The following FAM20B variants were observed in gnomAD, a reference collection of about 807,000 sequenced individuals.
FAM20B encodes FAM20B glycosaminoglycan xylosylkinase.
Under a neutral mutation model 43.8 loss-of-function variants are expected in FAM20B, and 23 were observed. The ratio of observed to expected loss-of-function variants is 0.53; its 90% CI spans 0.38 to 0.74. The LOEUF (loss-of-function observed/expected upper bound fraction) is 0.74. FAM20B is among the 30% of genes least tolerant of loss of function. The pLI, the probability that FAM20B is intolerant of heterozygous loss-of-function variation, is 0.00. For synonymous variants in FAM20B, 178 were observed against 192.4 expected (o/e 0.93, Z 0.62); for missense variants, 440 against 510.5 (o/e 0.86, Z 1.33).
chr1:179,036,805 G>A (rs1282731064), intron 1 of FAM20B, among the ~76,000 whole-genome samples: 1 of 152,098 alleles, frequency 6.6e-6, no homozygotes, highest in East Asian at 1.9e-4. Flanking sequence ...AGTACTGGCC[G>A]AAAGGAGGGA....
In FAM20B at chr1:179,073,244, T is replaced by C. The variant is rs968085296; in HGVS notation, c.*1100T>C. The C allele has an allele frequency of 2.0e-5, 3 of 152,194 alleles. No homozygotes were observed. The highest frequency in any genetic ancestry group is 7.2e-5 in the African/African-American group (3 of 41,436). The allele number at this position is 152,194 out of a possible 1,614,324, so 9.4% of individuals were successfully genotyped here. On this transcript the variant is annotated 3_prime_UTR_variant, in exon 8 of 8. Coordinates refer to ENST00000263733, the MANE Select transcript of FAM20B (RefSeq NM_014864.4). ...TGTATACCTTACTCTCTCAGATAAG[T>C]GGCTGGACTTATCTTGTGATTTGGG...
chr1:179,024,037 C>A (rs1649654226), upstream of FAM20B, among the ~76,000 whole-genome samples: 5 of 152,154 alleles, frequency 3.3e-5, no homozygotes, highest in Admixed American at 3.3e-4. Flanking sequence ...GGTAATGCAA[C>A]ATGGAGAAGG....
At chr1:179,052,768 TCTC>T (rs1651058478) in intron 3 of FAM20B, among the ~76,000 whole-genome samples, 4 of 152,294 alleles carry the variant, frequency 2.6e-5, no homozygotes, top group East Asian at 3.9e-4. Context: ...GATAAATCCT[TCTC>T]CTCACTTAAT....
chr1:179,063,269 T>C (rs1651552662), intron 4 of FAM20B, among the ~76,000 whole-genome samples: 1 of 148,968 alleles, frequency 6.7e-6, no homozygotes, highest in African/African-American at 2.5e-5. Context: ...AGAGCAAGAC[T>C]CAGTCTCAAA....
upstream of FAM20B, among the ~76,000 whole-genome samples, chr1:179,021,111 G>T (rs1281702445): frequency 6.6e-6 from 1 of 152,132 alleles, no homozygotes. Flanking sequence ...ACTGATAATT[G>T]TCCTCTAGCA....
chr1:179,022,009 A>G (rs1252549958), upstream of FAM20B, among the ~76,000 whole-genome samples: 1 of 152,204 alleles, frequency 6.6e-6, no homozygotes, highest in Non-Finnish European at 1.5e-5. Context: ...GTAGCTTATG[A>G]TGCTGTCCCT....
chr1:179,042,240 A>G (rs1479781998), intron 1 of FAM20B, among the ~76,000 whole-genome samples: 1 of 152,236 alleles, frequency 6.6e-6, no homozygotes, highest in Non-Finnish European at 1.5e-5. Context: ...CAGAGCAGCA[A>G]GGGGTGTGTG....
rs1650949757 is a variant in FAM20B, at chr1:179,050,262, T to TC, written c.378-14dup. On this transcript the variant is annotated splice_polypyrimidine_tract_variant and intron_variant, in intron 2 of 7. Coordinates refer to ENST00000263733, the MANE Select transcript of FAM20B (RefSeq NM_014864.4). ...TGTAATCCACGTATACATCTGTGCT[T>TC]CCCATTCACTTTGCAGGTATAGCCG... 6.3e-7 allele frequency: 1 copy of TC among 1,588,440 alleles called. No homozygotes were observed. Among genetic ancestry groups the TC allele is most frequent in the Non-Finnish European group, 8.6e-7 (1 of 1,156,916 alleles).
At chr1:179,063,122 C>T (rs1651544049) in intron 4 of FAM20B, among the ~76,000 whole-genome samples, 1 of 152,042 alleles carries the variant, frequency 6.6e-6, no homozygotes, top group Admixed American at 6.6e-5. Flanking sequence ...ACTACAAATA[C>T]AAAAATTAGC....
At chr1:179,053,872 G>T (rs1207166514) in intron 3 of FAM20B, among the ~76,000 whole-genome samples, 1 of 152,164 alleles carries the variant, frequency 6.6e-6, no homozygotes, top group African/African-American at 2.4e-5. Context: ...GTCAGCACCT[G>T]TAATTATTTC....
At chr1:179,060,367 TC>T (rs1651413425) in intron 4 of FAM20B, among the ~76,000 whole-genome samples, 2 of 152,038 alleles carry the variant, frequency 1.3e-5, no homozygotes, top group African/African-American at 4.8e-5. Flanking sequence ...ATGTCAGGGG[TC>T]CCCAACCCCT....
chr1:179,033,382 A>G (rs546824016), intron 1 of FAM20B, among the ~76,000 whole-genome samples: 6 of 152,378 alleles, frequency 3.9e-5, no homozygotes, highest in African/African-American at 1.2e-4. Context: ...ACAGAAAAAT[A>G]TAAATGACAT....
At chr1:179,061,169 C>T (rs1242259035) in intron 4 of FAM20B, among the ~76,000 whole-genome samples, 1 of 147,998 alleles carries the variant, frequency 6.8e-6, no homozygotes, top group Admixed American at 6.9e-5. Flanking sequence ...ACCTTTGCCT[C>T]TCAGATTCCA....
rs530317328 is a variant in FAM20B, at chr1:179,028,576, C to T, written c.-134+2478C>T. ...CAGACTGCTGACAGTGAGACTCCGTCTCAAAAAACAAACAAACAAACAACA... is the reference window on the plus strand; with the variant it reads ...CAGACTGCTGACAGTGAGACTCCGTTTCAAAAAACAAACAAACAAACAACA... On this transcript the variant is annotated intron_variant, in intron 1 of 7. Coordinates refer to ENST00000263733, the MANE Select transcript of FAM20B (RefSeq NM_014864.4). Among the ~76,000 whole-genome samples the T allele has an allele frequency of 3.3e-5, 5 of 152,026 alleles. No homozygotes were observed. The South Asian group carries it at 8.3e-4, about 25-fold the overall frequency.
At chr1:179,032,810 G>A (rs2102483618) in intron 1 of FAM20B, among the ~76,000 whole-genome samples, 1 of 152,272 alleles carries the variant, frequency 6.6e-6, no homozygotes, top group Admixed American at 6.5e-5. Context: ...CAGCAAAGCA[G>A]GAGTGGGCTG....
chr1:179,018,509 G>T, the FAM20B span, among the ~76,000 whole-genome samples: 1 of 152,060 alleles, frequency 6.6e-6, no homozygotes, highest in African/African-American at 2.4e-5. Flanking sequence ...GTTTCACTAT[G>T]TTGGCCAGGT....
intron 2 of FAM20B, among the ~76,000 whole-genome samples, chr1:179,047,089 TC>T (rs974898960): frequency 1.8e-4 from 28 of 152,118 alleles, no homozygotes; most frequent in African/African-American, 6.3e-4. Flanking sequence ...AGACAGATAT[TC>T]CCAAGAGCGT....
At chr1:179,018,410 G>A in the FAM20B span, among the ~76,000 whole-genome samples, 10 of 152,080 alleles carry the variant, frequency 6.6e-5, no homozygotes, top group African/African-American at 2.2e-4. Context: ...AGGTTCAAGC[G>A]ATTTTCATGC....
chr1:179,072,712 A>G lies in FAM20B; in HGVS notation c.*568A>G, dbSNP rs528215132. The G allele has an allele frequency of 1.1e-4, 17 of 152,760 alleles. No individual in the cohort carries two copies. Among genetic ancestry groups the G allele is most frequent in the African/African-American group, 4.1e-4 (17 of 41,566 alleles). 9.5% of individuals were successfully genotyped at this position (152,760 alleles called of 1,614,324 possible). ...AATTGGAGGGAAGGACAAAAACAGA[A>G]AAATGTTTGGGCTTTTAAGCCATTG... On this transcript the variant is annotated 3_prime_UTR_variant, in exon 8 of 8. Transcript: ENST00000263733.
Sources: gnomAD v4.1 joint callset for allele counts (sites outside exome capture counted in the v4.1 genomes callset) on GRCh38, gnomAD v4.1.1 for gene constraint, MANE v1.5 for transcripts, NCBI Gene and HGNC (gene_info 2026-07-23, HGNC 2026-07-21) for gene names.